The following PHLPP1 variants were observed in gnomAD, a reference collection of about 807,000 sequenced individuals.
PHLPP1 encodes the protein PH domain leucine-rich repeat-containing protein phosphatase 1.
Under a neutral mutation model 117.2 loss-of-function variants are expected in PHLPP1, and 42 were observed. The ratio of observed to expected loss-of-function variants is 0.36; its 90% CI spans 0.28 to 0.46. The LOEUF is 0.46. Ranked by LOEUF, PHLPP1 falls within the 20% of genes least tolerant of loss-of-function variation. PHLPP1 has a pLI of 1.00. For synonymous variants in PHLPP1, 1,042 were observed against 970.7 expected (o/e 1.07, Z -1.37); for missense variants, 2,084 against 2,241.9 (o/e 0.93, Z 1.42).
At chr18:62,843,475 C>T (rs1433525714) in intron 3 of PHLPP1, among the ~76,000 whole-genome samples, 1 of 152,096 alleles carries the variant, frequency 6.6e-6, no homozygotes, top group Non-Finnish European at 1.5e-5. Flanking sequence ...GTTTATTAAT[C>T]AGATGTGTTC....
intron 1 of PHLPP1, among the ~76,000 whole-genome samples, chr18:62,794,926 G>C (rs940706170): frequency 6.6e-6 from 1 of 152,138 alleles, no homozygotes; most frequent in Non-Finnish European, 1.5e-5. Flanking sequence ...AGTAGATGGA[G>C]TAGGGAACAA....
intron 9 of PHLPP1, among the ~76,000 whole-genome samples, chr18:62,918,319 T>G (rs1240231206): frequency 6.6e-6 from 1 of 151,164 alleles, no homozygotes; most frequent in Non-Finnish European, 1.5e-5. Flanking sequence ...AGAATTGAAC[T>G]AAACCCAATA....
At chr18:62,915,266 A>T (rs1389332145) in intron 9 of PHLPP1, among the ~76,000 whole-genome samples, 1 of 152,180 alleles carries the variant, frequency 6.6e-6, no homozygotes, top group African/African-American at 2.4e-5. Context: ...ATTTTTAAGT[A>T]AGCCAAAAAC....
At chr18:62,769,751 T>A (rs1675102483) in intron 1 of PHLPP1, among the ~76,000 whole-genome samples, 1 of 152,248 alleles carries the variant, frequency 6.6e-6, no homozygotes, top group South Asian at 2.1e-4. Context: ...CCATGATGTA[T>A]TCCAAATGAG....
chr18:62,783,752 G>T (rs1358971735), intron 1 of PHLPP1, among the ~76,000 whole-genome samples: 1 of 151,004 alleles, frequency 6.6e-6, no homozygotes, highest in Non-Finnish European at 1.5e-5. Flanking sequence ...CTAATAACTT[G>T]TGCCTTAACC....
chr18:62,873,601 C>T (rs1915964204), intron 4 of PHLPP1, among the ~76,000 whole-genome samples: 1 of 152,148 alleles, frequency 6.6e-6, no homozygotes, highest in African/African-American at 2.4e-5. Flanking sequence ...AAAACTAGCA[C>T]AGCTAGAAGG....
At position 62,903,356 on chromosome 18, in the gene PHLPP1, C is replaced by T. The variant is rs1393897842; in HGVS notation, c.2647+190C>T. 2.0e-5 allele frequency among the ~76,000 whole-genome samples: 3 copies of T among 152,088 alleles called. No individual in the cohort carries two copies. In the East Asian group the frequency reaches 5.8e-4, roughly 29 times the overall value. The stretch of plus-strand genomic sequence containing the variant: ...GACTCAAAAAGGAAAATTTTATTGT[C>T]CCTAATTTTTTTCTCGTATTGTGAT... On this transcript the variant is annotated intron_variant, in intron 7 of 16. Transcript: ENST00000262719.
At chr18:62,735,978 A>G (rs951200875) in intron 1 of PHLPP1, among the ~76,000 whole-genome samples, 1 of 152,132 alleles carries the variant, frequency 6.6e-6, no homozygotes. Flanking sequence ...TTAAAAAAAA[A>G]AAGAGTATAG....
chr18:62,853,649 C>G (rs1432766930), intron 3 of PHLPP1, among the ~76,000 whole-genome samples: 1 of 152,200 alleles, frequency 6.6e-6, no homozygotes, highest in Non-Finnish European at 1.5e-5. Context: ...GGATTACAGG[C>G]GTGAGCCTCT....
intron 2 of PHLPP1, chr18:62,832,082 G>C (rs1914774311): frequency 6.6e-6 from 1 of 152,216 alleles, no homozygotes; most frequent in South Asian, 2.1e-4. Context: ...TAGGTCAACA[G>C]TCTCTCTCTT....
At chr18:62,756,671 G>T (rs1912030867) in intron 1 of PHLPP1, among the ~76,000 whole-genome samples, 1 of 152,146 alleles carries the variant, frequency 6.6e-6, no homozygotes, top group South Asian at 2.1e-4. Flanking sequence ...GAGAAGAGGG[G>T]GATAGGAAGA....
rs1431867961 is a variant in PHLPP1 at position 62,980,300 on chromosome 18, C to G, written c.*869C>G. ...TTGACAGACACTTTTAACTGTGTTC[C>G]TTACTGCTGCCACAATCAGCATGGT... On this transcript the variant is annotated 3_prime_UTR_variant, in exon 17 of 17. Transcript: ENST00000262719. 1 of 152,752 alleles carries G rather than the reference C, an allele frequency of 6.5e-6. No individual in the cohort carries two copies. Among genetic ancestry groups the G allele is most frequent in the Non-Finnish European group, 1.5e-5 (1 of 68,092 alleles). The allele number at this position is 152,752 out of a possible 1,614,324, so 9.5% of individuals were successfully genotyped here.
At chr18:62,948,970 A>G (rs1910375552) in intron 12 of PHLPP1, among the ~76,000 whole-genome samples, 1 of 152,146 alleles carries the variant, frequency 6.6e-6, no homozygotes, top group Non-Finnish European at 1.5e-5. Flanking sequence ...GCCTATTTTT[A>G]TGTATTTTAT....
intron 1 of PHLPP1, among the ~76,000 whole-genome samples, chr18:62,717,937 C>A (rs1310082032): frequency 6.6e-6 from 1 of 152,168 alleles, no homozygotes; most frequent in East Asian, 1.9e-4. Context: ...TTTCTTCCAG[C>A]CTTTATGGTC....
chr18:62,725,914 A>G (rs189261753), intron 1 of PHLPP1, among the ~76,000 whole-genome samples: 163 of 152,338 alleles, frequency 1.1e-3, no homozygotes, highest in African/African-American at 3.7e-3. Flanking sequence ...GGGTAAAAAT[A>G]TATTGCATCT....
chr18:62,852,897 C>T (rs1915395037), intron 3 of PHLPP1, among the ~76,000 whole-genome samples: 1 of 152,130 alleles, frequency 6.6e-6, no homozygotes, highest in Non-Finnish European at 1.5e-5. Flanking sequence ...AGAGTACTGT[C>T]CTCTTGCAAG....
intron 4 of PHLPP1, among the ~76,000 whole-genome samples, chr18:62,890,391 C>T (rs138818903): frequency 0.017 from 2,614 of 152,010 alleles, 72 homozygotes; most frequent in African/African-American, 0.06. Context: ...CTCAGCCTGC[C>T]GAGTAGCTGG....
chr18:62,869,152 C>T (rs1915839478), intron 4 of PHLPP1, among the ~76,000 whole-genome samples: 1 of 152,130 alleles, frequency 6.6e-6, no homozygotes, highest in African/African-American at 2.4e-5. Flanking sequence ...AGACTATTCT[C>T]TTTCTTCCAA....
At chr18:62,813,726 ATC>A (rs1326607366) in intron 1 of PHLPP1, among the ~76,000 whole-genome samples, 4 of 151,848 alleles carry the variant, frequency 2.6e-5, no homozygotes, top group Non-Finnish European at 4.4e-5. Context: ...GAGCCCCTCA[ATC>A]TCTGTTTTAG....
Sources: gnomAD v4.1 joint callset for allele counts (sites outside exome capture counted in the v4.1 genomes callset) on GRCh38, gnomAD v4.1.1 for gene constraint, MANE v1.5 for transcripts, NCBI Gene and HGNC (gene_info 2026-07-23, HGNC 2026-07-21) for gene names.